Variants in TNS3 observed in about 807,000 individuals in gnomAD.
TNS3 encodes tensin-3.
A neutral mutation model predicts 140.9 loss-of-function variants in TNS3; 45 were observed. The observed-to-expected ratio is 0.32, with a 90% CI of 0.25 to 0.41. TNS3 has a LOEUF of 0.41. Among genes scored for constraint, TNS3 ranks in the 10% least tolerant of loss-of-function variants. TNS3 has a pLI of 1.00. For missense variants in TNS3, 1,716 were observed against 1,906.7 expected, an observed-to-expected ratio of 0.90 and a Z score of 1.86; for synonymous variants, 815 against 788.4, an observed-to-expected ratio of 1.03 and a Z score of -0.56.
chr7:47,576,674 A>G (rs2152026889), intron 1 of TNS3, among the ~76,000 whole-genome samples: 1 of 152,324 alleles, frequency 6.6e-6, no homozygotes, highest in East Asian at 1.9e-4. Context: ...GCCCCTGCTA[A>G]TGGCCCAGTG....
Position 47,278,118 on chromosome 7 carries a change from GT to G in TNS3, c.4295del (p.Asn1432ThrfsTer7). The G allele has an allele frequency of 6.2e-7, 1 of 1,614,156 alleles. No homozygotes were observed. Among genetic ancestry groups the G allele is most frequent in the Non-Finnish European group, 8.5e-7 (1 of 1,180,030 alleles). ...AACCAATCATGACCTTTGATACGAAGTTGACAATGGCACTGGCAGGCTGCTC... is the reference window on the plus strand; with the variant it reads ...AACCAATCATGACCTTTGATACGAAGTGACAATGGCACTGGCAGGCTGCTC... The part of the protein sequence containing the change: ...DPEQPASAIV[N>X]FVSKVMIGSP... On this transcript the variant is annotated frameshift_variant, in exon 31 of 31. Coordinates refer to ENST00000311160, the MANE Select transcript of TNS3 (RefSeq NM_022748.12). LOFTEE classifies it high-confidence loss of function.
intron 3 of TNS3, among the ~76,000 whole-genome samples, chr7:47,493,672 A>AG (rs920414097): frequency 2.6e-5 from 4 of 151,704 alleles, no homozygotes; most frequent in Non-Finnish European, 5.9e-5. Context: ...CAAAAAAAAA[A>AG]AAAAAAATAG....
At chr7:47,398,062 G>C (rs1452947630) in intron 15 of TNS3, among the ~76,000 whole-genome samples, 1 of 152,026 alleles carries the variant, frequency 6.6e-6, no homozygotes, top group Non-Finnish European at 1.5e-5. Context: ...AAAACTGAGA[G>C]GAAATTGGTC....
intron 17 of TNS3, among the ~76,000 whole-genome samples, chr7:47,361,206 C>CAAAAAAAAACAAAAAAAAAAAAA (rs1790299164): frequency 2.1e-5 from 1 of 47,154 alleles, no homozygotes; most frequent in Admixed American, 3.3e-4. Context: ...GTAACCATGC[C>CAAAAAAAAACAAAAAAAAAAAAA]AAAAAAAAAA....
chr7:47,327,012 T>C (rs1013006553), intron 20 of TNS3, among the ~76,000 whole-genome samples: 3 of 152,150 alleles, frequency 2.0e-5, no homozygotes, highest in African/African-American at 7.2e-5. Flanking sequence ...ACACGCTGTG[T>C]CGGCTGCAGG....
At chr7:47,293,938 G>T in intron 24 of TNS3, 110 bp from the exon 25 acceptor site, 1 of 963,532 alleles carries the variant, frequency 1.0e-6, no homozygotes, top group Non-Finnish European at 1.6e-6. Flanking sequence ...GCTCTTCTCT[G>T]AATACGAGTC....
chr7:47,384,675 G>C (rs544615213), intron 16 of TNS3, among the ~76,000 whole-genome samples: 76 of 152,340 alleles, frequency 5.0e-4, no homozygotes, highest in Non-Finnish European at 8.5e-4. Flanking sequence ...AGCCGCTACA[G>C]CTCCCTGGCT....
intron 20 of TNS3, among the ~76,000 whole-genome samples, chr7:47,312,110 G>T (rs2150774686): frequency 1.3e-5 from 2 of 152,262 alleles, no homozygotes. Flanking sequence ...TCAAGGCCAG[G>T]CCTGGCAAAT....
At chr7:47,280,080 C>T in intron 30 of TNS3, 84 bp downstream of exon 30, 5 of 1,521,014 alleles carry the variant, frequency 3.3e-6, no homozygotes, top group South Asian at 1.2e-5. Context: ...TATAAGGCAC[C>T]CCCTGTGCAA....
chr7:47,354,682 G>T (rs1584467478), intron 17 of TNS3, among the ~76,000 whole-genome samples: 1 of 152,030 alleles, frequency 6.6e-6, no homozygotes, highest in African/African-American at 2.4e-5. Context: ...CAGGCCCCTT[G>T]AAACCCCCAG....
chr7:47,437,940 G>C (rs1189821648), intron 6 of TNS3, among the ~76,000 whole-genome samples: 1 of 151,212 alleles, frequency 6.6e-6, no homozygotes, highest in Non-Finnish European at 1.5e-5. Context: ...GGCCTGGAAA[G>C]GGCTGAGTTC....
intron 20 of TNS3, among the ~76,000 whole-genome samples, chr7:47,329,178 C>T (rs914400287): frequency 1.3e-5 from 2 of 152,134 alleles, no homozygotes; most frequent in African/African-American, 2.4e-5. Context: ...CTTAGAGACA[C>T]GGTACATTAC....
chr7:47,276,020 C>T lies in TNS3; in HGVS notation c.*2056G>A, dbSNP rs1409472206. 1.9e-5 allele frequency: 7 copies of T among 360,774 alleles called. No homozygotes were observed. The highest frequency in any genetic ancestry group is 1.1e-4 in the Admixed American group (3 of 27,734). The allele number at this position is 360,774 out of a possible 1,614,324, so 22.3% of individuals were successfully genotyped here. On this transcript the variant is annotated 3_prime_UTR_variant, in exon 31 of 31. Coordinates refer to ENST00000311160, the MANE Select transcript of TNS3 (RefSeq NM_022748.12). ...CTTTGGGTTAAACATGGGTAGAGAC[C>T]GTCTCAGGATGAGGACCTCTTGGGG...
intron 1 of TNS3, chr7:47,538,943 A>T: frequency 2.3e-6 from 1 of 439,982 alleles, no homozygotes; most frequent in South Asian, 1.6e-5. Flanking sequence ...TTCATTCCAG[A>T]TTGCTTCACA....
intron 1 of TNS3, among the ~76,000 whole-genome samples, chr7:47,549,886 T>C (rs568132055): frequency 6.6e-6 from 1 of 152,124 alleles, no homozygotes; most frequent in Non-Finnish European, 1.5e-5. Context: ...TTTTTCATGC[T>C]CTGACCAGAA....
chr7:47,432,308 A>T (rs1451446693), intron 8 of TNS3, among the ~76,000 whole-genome samples: 1 of 152,196 alleles, frequency 6.6e-6, no homozygotes, highest in Non-Finnish European at 1.5e-5. Context: ...TTCTAAGAAG[A>T]GGAAGAGAGA....
At chr7:47,560,821 C>T (rs541056312) in intron 1 of TNS3, among the ~76,000 whole-genome samples, 1 of 152,322 alleles carries the variant, frequency 6.6e-6, no homozygotes, top group East Asian at 1.9e-4. Flanking sequence ...CAGTGAGGAA[C>T]CCAGGCGCCA....
chr7:47,283,708 G>T lies in TNS3; in HGVS notation c.4086C>A (p.Asp1362Glu), dbSNP rs1389758052. The T allele has an allele frequency of 1.9e-6, 3 of 1,576,460 alleles. No individual in the cohort carries two copies. Among genetic ancestry groups the T allele is most frequent in the African/African-American group, 1.4e-5 (1 of 73,428 alleles). Residue 1362 changes from aspartate (D) to glutamate (E), a missense_variant, in exon 28 of 31, where the codon GAC becomes GAA. Asp to Glu is a conservative substitution (Grantham distance 45, BLOSUM62 2). Transcript: ENST00000311160. ...KVSAQGITLT[D>E]NQRKLFFRRH... ...CTCTAGGCACTCACTTCCTCTGATTGTCTGTCAGGGTGATGCCCTGGGCTG... is the reference window on the plus strand; with the variant it reads ...CTCTAGGCACTCACTTCCTCTGATTTTCTGTCAGGGTGATGCCCTGGGCTG...
chr7:47,568,956 A>G (rs1800490133), intron 1 of TNS3, among the ~76,000 whole-genome samples: 2 of 152,272 alleles, frequency 1.3e-5, no homozygotes, highest in South Asian at 4.1e-4. Context: ...CAAAGCCCAC[A>G]GTATTCACAG....
Sources: gnomAD v4.1 joint callset for allele counts (sites outside exome capture counted in the v4.1 genomes callset) on GRCh38, gnomAD v4.1.1 for gene constraint, MANE v1.5 for transcripts, NCBI Gene and HGNC (gene_info 2026-07-23, HGNC 2026-07-21) for gene names.